ZNF26: variants seen among roughly 807,000 people sequenced by gnomAD.
ZNF26 encodes epididymis luminal protein 179.
In ZNF26, 32 loss-of-function variants were observed where a neutral mutation model predicts 54.9. That is an observed-to-expected ratio of 0.58 (90% CI 0.44 to 0.78). ZNF26 has a LOEUF of 0.78. Among genes scored for constraint, ZNF26 ranks in the 30% least tolerant of loss-of-function variants. The pLI is 0.00. For synonymous variants in ZNF26, 221 were observed against 209.2 expected (o/e 1.06, Z -0.49); for missense variants, 524 against 634.0 (o/e 0.83, Z 1.86).
Position 133,010,797 on chromosome 12 carries a change from A to C in ZNF26, c.918A>C (p.Arg306Ser). 6.2e-7 allele frequency: 1 copy of C among 1,614,080 alleles called. No homozygotes were observed. Among genetic ancestry groups the C allele is most frequent in the Non-Finnish European group, 8.5e-7 (1 of 1,180,026 alleles). ...AGTCTCCATTCGTTGTACACCAGAGAACTCATACAGGAGTGAAACCCCATA... is the reference window on the plus strand; with the variant it reads ...AGTCTCCATTCGTTGTACACCAGAGCACTCATACAGGAGTGAAACCCCATA... ...SLKSPFVVHQ[R>S]THTGVKPHKC... is the part of the protein sequence containing the mutation. Residue 306 changes from arginine (R) to serine (S), a missense_variant, in exon 4 of 4, where the codon AGA becomes AGC. Coordinates refer to ENST00000328654, the MANE Select transcript of ZNF26 (RefSeq NM_019591.4).
rs1249341082 is a variant in ZNF26, at chr12:133,007,016, A to G, written c.34-26A>G. On this transcript the variant is annotated intron_variant, in intron 1 of 3. Transcript: ENST00000328654. ...ATGTCACCTAATGTAATTGCATCCA[A>G]TTGAACAGGGTGTGTGTTATTTCAG... 17 of 1,613,398 alleles carry G rather than the reference A, an allele frequency of 1.1e-5. No individual in the cohort carries two copies. In the Admixed American group the frequency reaches 1.3e-4, roughly 13 times the overall value.
intron 3 of ZNF26, among the ~76,000 whole-genome samples, chr12:133,008,142 C>G (rs971726891): frequency 7.9e-5 from 12 of 152,158 alleles, no homozygotes; most frequent in Non-Finnish European, 2.9e-5. Flanking sequence ...TGACGTCTTT[C>G]TCTTTGGCAC....
At chr12:133,010,062 T>A in intron 3 of ZNF26, 74 bp from the exon 4 acceptor site, 1 of 1,454,140 alleles carries the variant, frequency 6.9e-7, no homozygotes, top group Non-Finnish European at 9.3e-7. Flanking sequence ...TACATCACAG[T>A]CCTAATACTG....
chr12:132,986,883 G>A lies in ZNF26; in HGVS notation c.33+10G>A. Reference sequence around the variant, plus strand: ...GACAGCTTCGTGCTGGGTAAGTAGAGACTTTCCGTGTTTAAAATTCGACTG... The same window carrying A: ...GACAGCTTCGTGCTGGGTAAGTAGAAACTTTCCGTGTTTAAAATTCGACTG... On this transcript the variant is annotated intron_variant, in intron 1 of 3. Transcript: ENST00000328654. 1 of 1,603,936 alleles carries A rather than the reference G, an allele frequency of 6.2e-7. No individual in the cohort carries two copies. Among genetic ancestry groups the A allele is most frequent in the East Asian group, 2.2e-5 (1 of 44,544 alleles).
rs1953600891 is a variant in ZNF26 at position 133,018,807 on chromosome 12, G to A, written c.*7326G>A. The A allele has an allele frequency of 6.6e-6, 1 of 151,876 alleles. No homozygotes were observed. The highest frequency in any genetic ancestry group is 2.4e-5 in the African/African-American group (1 of 41,344). The allele number at this position is 151,876 out of a possible 1,614,324, so 9.4% of individuals were successfully genotyped here. A position where few individuals can be genotyped will look rare whatever the true frequency, so the allele number is the denominator to read the frequency against. ...TTATTTATTTATTTATAGAGATGGA[G>A]GTATCAAACTCCAGGGCTCAAGCAA... On this transcript the variant is annotated 3_prime_UTR_variant, in exon 4 of 4. Transcript: ENST00000328654.
rs374609952 is a variant in ZNF26 at position 132,991,459 on chromosome 12, C to G, written c.33+4586C>G. Among the ~76,000 whole-genome samples the G allele has an allele frequency of 2.5e-3, 372 of 151,798 alleles. 3 individuals are homozygous for G. Among genetic ancestry groups the G allele is most frequent in the East Asian group, 0.014 (73 of 5,074 alleles). The stretch of plus-strand genomic sequence containing the variant: ...GTTGCAGTAAGCCAAGATCGTGCCA[C>G]TGCACTCCAGCCCGGGCGACAGAGC... On this transcript the variant is annotated intron_variant, in intron 1 of 3. Coordinates refer to ENST00000328654, the MANE Select transcript of ZNF26 (RefSeq NM_019591.4).
At position 133,022,197 on chromosome 12, in the gene ZNF26, G is replaced by A. The variant is rs1026096284; in HGVS notation, c.*10716G>A. On this transcript the variant is annotated 3_prime_UTR_variant, in exon 4 of 4. Transcript: ENST00000328654. ...CACATCACTGCACTCCAGCCTGGGT[G>A]ACAGAGTGAGACCCTGTCACACACA... 1 of 152,086 alleles carries A rather than the reference G, an allele frequency of 6.6e-6. No individual in the cohort carries two copies. Among genetic ancestry groups the A allele is most frequent in the Admixed American group, 6.6e-5 (1 of 15,266 alleles). 9.4% of individuals were successfully genotyped at this position (152,086 alleles called of 1,614,324 possible). A position where few individuals can be genotyped will look rare whatever the true frequency, so the allele number is the denominator to read the frequency against.
At chr12:133,003,257 CTTTT>C (rs796349481) in intron 1 of ZNF26, among the ~76,000 whole-genome samples, 1 of 135,334 alleles carries the variant, frequency 7.4e-6, no homozygotes. Flanking sequence ...GTTCCCTTTT[CTTTT>C]TTTTTTTTTT....
rs1015531379 is a variant in ZNF26, at chr12:133,019,132, A to G, written c.*7651A>G. 1.3e-5 allele frequency: 2 copies of G among 150,072 alleles called. No individual in the cohort carries two copies. The highest frequency in any genetic ancestry group is 4.8e-5 in the African/African-American group (2 of 41,300). The allele number at this position is 150,072 out of a possible 1,614,324, so 9.3% of individuals were successfully genotyped here. On this transcript the variant is annotated 3_prime_UTR_variant, in exon 4 of 4. Transcript: ENST00000328654. ...AACAAAAGTTTTACTAGAGATAAAGAAAAGTATTTTGTAAAGATAAGTCAT... is the reference window on the plus strand; with the variant it reads ...AACAAAAGTTTTACTAGAGATAAAGGAAAGTATTTTGTAAAGATAAGTCAT...
In ZNF26 at chr12:133,012,604, T is replaced by TTTTTTTTTTTTTTTC. The variant is rs1953505751; in HGVS notation, c.*1128_*1129insTTTTTTTTTCTTTTT. On this transcript the variant is annotated 3_prime_UTR_variant, in exon 4 of 4. Coordinates refer to ENST00000328654, the MANE Select transcript of ZNF26 (RefSeq NM_019591.4). Reference sequence around the variant, plus strand: ...TTTTTTTTTTTTTTTTTTTTTTTTTTTTTTTGAGACTAAGTTTCACTCTTG... The same window carrying TTTTTTTTTTTTTTTC: ...TTTTTTTTTTTTTTTTTTTTTTTTTTTTTTTTTTTTTTTTCTTTTTGAGACTAAGTTTCACTCTTG... 2 of 137,892 alleles carry TTTTTTTTTTTTTTTC rather than the reference T, an allele frequency of 1.5e-5. No homozygotes were observed. The highest frequency in any genetic ancestry group is 5.6e-5 in the African/African-American group (2 of 35,620). 8.5% of individuals were successfully genotyped at this position (137,892 alleles called of 1,614,324 possible).
At position 133,010,329 on chromosome 12, in the gene ZNF26, T is replaced by G; in HGVS notation, c.450T>G (p.Pro150=). ...APSRSYLRKN[P]DKFHGYEEPY... ...GCAGAAGTTATTTAAGAAAGAATCC[T>G]GATAAGTTTCATGGTTATGAAGAAC... Residue 150 remains proline (P), a synonymous_variant, in exon 4 of 4, where the codon CCT becomes CCG. Transcript: ENST00000328654. 1 of 1,613,982 alleles carries G rather than the reference T, an allele frequency of 6.2e-7. No homozygotes were observed.
At chr12:133,000,975 C>T (rs1272124281) in intron 1 of ZNF26, among the ~76,000 whole-genome samples, 2 of 152,188 alleles carry the variant, frequency 1.3e-5, no homozygotes, top group East Asian at 1.9e-4. Context: ...TGCACCTTCC[C>T]TCTTCCATCC....
At chr12:132,997,532 T>C (rs1953114191) in intron 1 of ZNF26, among the ~76,000 whole-genome samples, 3 of 152,120 alleles carry the variant, frequency 2.0e-5, no homozygotes, top group Admixed American at 2.0e-4. Flanking sequence ...GCCTTCACAC[T>C]TCACCTCCCA....
At chr12:133,006,481 C>T (rs964885010) in intron 1 of ZNF26, 18 of 171,538 alleles carry the variant, frequency 1.0e-4, no homozygotes, top group Non-Finnish European at 1.9e-4. Flanking sequence ...ATGTTCATTC[C>T]CATCTACAAG....
Position 133,015,258 on chromosome 12 carries a change from G to T in ZNF26, c.*3777G>T, listed in dbSNP as rs1334653755. On this transcript the variant is annotated 3_prime_UTR_variant, in exon 4 of 4. Coordinates refer to ENST00000328654, the MANE Select transcript of ZNF26 (RefSeq NM_019591.4). ...AATCCCAGCTACTTGGGAGGCTGAG[G>T]CAGGAGAATCGCTGGAACCCGGGAG... is the stretch of plus-strand genomic sequence containing the variant. The T allele has an allele frequency of 2.0e-5, 3 of 151,444 alleles. No homozygotes were observed. The highest frequency in any genetic ancestry group is 7.3e-5 in the African/African-American group (3 of 41,202). The allele number at this position is 151,444 out of a possible 1,614,324, so 9.4% of individuals were successfully genotyped here. A position where few individuals can be genotyped will look rare whatever the true frequency, so the allele number is the denominator to read the frequency against.
rs1953526763 is a variant in ZNF26, at chr12:133,013,771, T to C, written c.*2290T>C. ...CTGATAGACTTTGAATAGGAGTATC[T>C]GGGAAGAACCTGAGGACTCAGCCTA... On this transcript the variant is annotated 3_prime_UTR_variant, in exon 4 of 4. Transcript: ENST00000328654. 6.4e-6 allele frequency: 1 copy of C among 157,210 alleles called. No individual in the cohort carries two copies. Among genetic ancestry groups the C allele is most frequent in the South Asian group, 1.5e-4 (1 of 6,672 alleles). 9.7% of individuals were successfully genotyped at this position (157,210 alleles called of 1,614,324 possible).
chr12:133,000,820 A>G (rs1953200129), intron 1 of ZNF26, among the ~76,000 whole-genome samples: 1 of 151,992 alleles, frequency 6.6e-6, no homozygotes, highest in African/African-American at 2.4e-5. Flanking sequence ...CTGCCTCCCA[A>G]AGTGCTGGGA....
chr12:132,994,545 T>C (rs1450020972), intron 1 of ZNF26, among the ~76,000 whole-genome samples: 1 of 152,218 alleles, frequency 6.6e-6, no homozygotes, highest in African/African-American at 2.4e-5. Flanking sequence ...TTGATAGATA[T>C]TCTTCTAGGT....
At chr12:132,990,833 C>T (rs1952932292) in intron 1 of ZNF26, among the ~76,000 whole-genome samples, 2 of 152,058 alleles carry the variant, frequency 1.3e-5, no homozygotes, top group South Asian at 4.1e-4. Flanking sequence ...TAGAATTGTA[C>T]ATAGTATGAT....
Sources: allele counts gnomAD v4.1 joint callset (sites outside exome capture counted in the v4.1 genomes callset), GRCh38; gene constraint gnomAD v4.1.1; transcripts MANE v1.5; gene names NCBI Gene and HGNC (gene_info 2026-07-23, HGNC 2026-07-21).